Variants in CYRIB observed in about 807,000 individuals in gnomAD.
The protein encoded by CYRIB is CYFIP related Rac1 interactor B.
A neutral mutation model predicts 44.2 loss-of-function variants in CYRIB; 8 were observed. That is an observed-to-expected ratio of 0.18 (90% CI 0.11 to 0.33). The LOEUF (loss-of-function observed/expected upper bound fraction) is 0.33. Among genes scored for constraint, CYRIB ranks in the 10% least tolerant of loss-of-function variants. The pLI, the probability that CYRIB is intolerant of heterozygous loss-of-function variation, is 1.00. For missense variants in CYRIB, 185 were observed against 382.8 expected (o/e 0.48, Z 4.31); for synonymous variants, 131 against 127.2 (o/e 1.03, Z -0.20).
chr8:129,934,824 C>T (rs191567214), intron 1 of CYRIB, among the ~76,000 whole-genome samples: 12 of 152,258 alleles, frequency 7.9e-5, no homozygotes, highest in Admixed American at 2.6e-4. Context: ...CAACTGGACC[C>T]GTTTAGATTA....
intron 2 of CYRIB, among the ~76,000 whole-genome samples, chr8:129,968,418 T>A (rs1181721970): frequency 6.6e-6 from 1 of 152,234 alleles, no homozygotes; most frequent in Non-Finnish European, 1.5e-5. Context: ...ATTTCTTTTT[T>A]CTTGTGAACC....
At chr8:129,872,766 A>C (rs2057785083) in intron 3 of CYRIB, among the ~76,000 whole-genome samples, 1 of 152,090 alleles carries the variant, frequency 6.6e-6, no homozygotes, top group Non-Finnish European at 1.5e-5. Flanking sequence ...TTTAAGTTTA[A>C]AAATATTTTA....
At chr8:129,926,191 T>G (rs975441423) in intron 1 of CYRIB, among the ~76,000 whole-genome samples, 1 of 152,206 alleles carries the variant, frequency 6.6e-6, no homozygotes, top group Non-Finnish European at 1.5e-5. Flanking sequence ...AAAGCAGGAA[T>G]AAAATAAAAA....
chr8:129,917,526 G>C lies in CYRIB; in HGVS notation c.-49-14176C>G, dbSNP rs1022588191. 3.3e-5 allele frequency among the ~76,000 whole-genome samples: 5 copies of C among 152,154 alleles called. No individual in the cohort carries two copies. The East Asian group carries it at 9.7e-4, about 29-fold the overall frequency. ...ATGGCATAGGACACAAAGATCTCAG[G>C]CTGACTCAATTCTTAAAAAAAAATT... On this transcript the variant is annotated intron_variant, in intron 1 of 11. Transcript: ENST00000519824.
intron 1 of CYRIB, among the ~76,000 whole-genome samples, chr8:129,922,112 G>A (rs1164736869): frequency 6.6e-6 from 1 of 152,124 alleles, no homozygotes; most frequent in African/African-American, 2.4e-5. Context: ...AACATAATCT[G>A]GGCAGTATTT....
chr8:130,013,907 A>G (rs1388083151), intron 1 of CYRIB, among the ~76,000 whole-genome samples: 5 of 152,230 alleles, frequency 3.3e-5, no homozygotes, highest in African/African-American at 1.2e-4. Context: ...AAAGACACGT[A>G]CTGTTTCCTG....
intron 4 of CYRIB, among the ~76,000 whole-genome samples, chr8:129,868,891 T>TAAAAA (rs34829895): frequency 8.3e-6 from 1 of 120,002 alleles, no homozygotes; most frequent in African/African-American, 3.1e-5. Context: ...GTACTGCAAT[T>TAAAAA]AAAAAAAAAA....
At chr8:129,847,313 A>C (rs1192647190) in intron 10 of CYRIB, 1 of 153,750 alleles carries the variant, frequency 6.5e-6, no homozygotes, top group African/African-American at 2.4e-5. Context: ...AATACAAAAA[A>C]ATTAGCCAGG....
intron 2 of CYRIB, among the ~76,000 whole-genome samples, chr8:129,883,547 A>T (rs2061591432): frequency 6.6e-6 from 1 of 152,204 alleles, no homozygotes; most frequent in African/African-American, 2.4e-5. Flanking sequence ...CTTTATAAGA[A>T]TAAACAAAAA....
At chr8:129,901,862 GAGAAACACACATATTAATGTA>G (rs1429941307) in intron 2 of CYRIB, 1 of 152,168 alleles carries the variant, frequency 6.6e-6, no homozygotes, top group African/African-American at 2.4e-5. Flanking sequence ...TCTCTAACAT[GAGAAACACACATATTAATGTA>G]AGAAGCACAC....
At position 129,961,877 on chromosome 8, in the gene CYRIB, G is replaced by C. The variant is rs1459344258; in HGVS notation, c.-243+9066C>G. Among the ~76,000 whole-genome samples, 3 of 152,316 alleles carry C rather than the reference G, an allele frequency of 2.0e-5. No individual in the cohort carries two copies. The East Asian group carries it at 5.8e-4, about 29-fold the overall frequency. Reference sequence around the variant, plus strand: ...TGAATTCTGGCCTTGTCAGAGCCCAGGCCTATGACCTCGGGCAAGTTCCTA... The same window carrying C: ...TGAATTCTGGCCTTGTCAGAGCCCACGCCTATGACCTCGGGCAAGTTCCTA... On this transcript the variant is annotated intron_variant, in intron 2 of 14. Transcript: ENST00000401979.
At chr8:129,931,402 A>G (rs1420525430) in intron 1 of CYRIB, among the ~76,000 whole-genome samples, 1 of 152,332 alleles carries the variant, frequency 6.6e-6, no homozygotes, top group Middle Eastern at 3.4e-3. Context: ...CTTAAATTCA[A>G]TGTCCTTGAA....
At chr8:129,947,553 T>TA (rs1429843486) in intron 2 of CYRIB, among the ~76,000 whole-genome samples, 1 of 151,808 alleles carries the variant, frequency 6.6e-6, no homozygotes, top group South Asian at 2.1e-4. Flanking sequence ...AATGAATGGA[T>TA]AAAAAAAGGG....
intron 1 of CYRIB, among the ~76,000 whole-genome samples, chr8:130,011,534 T>G (rs1324743604): frequency 3.7e-5 from 5 of 135,970 alleles, no homozygotes; most frequent in African/African-American, 1.4e-4. Context: ...AAATAAAAAT[T>G]AGGCTGGGCA....
exon 11 of CYRIB, chr8:129,846,840 G>A (rs1325605150): frequency 3.1e-6 from 5 of 1,597,146 alleles, no homozygotes; most frequent in Non-Finnish European, 4.3e-6. Flanking sequence ...ACTATTAGGA[G>A]GTTGGTCCTT....
intron 2 of CYRIB, among the ~76,000 whole-genome samples, chr8:129,954,187 G>A (rs890621513): frequency 6.6e-6 from 1 of 152,068 alleles, no homozygotes; most frequent in African/African-American, 2.4e-5. Context: ...TGGAGAAAAT[G>A]TCTATAGTCC....
At chr8:129,981,506 C>T (rs745388281) in intron 1 of CYRIB, among the ~76,000 whole-genome samples, 5 of 152,058 alleles carry the variant, frequency 3.3e-5, no homozygotes, top group Non-Finnish European at 5.9e-5. Context: ...AATAGATGAG[C>T]AAGATAAAAA....
chr8:129,866,047 G>A (rs902813476), intron 4 of CYRIB, among the ~76,000 whole-genome samples: 3 of 152,120 alleles, frequency 2.0e-5, no homozygotes, highest in African/African-American at 7.2e-5. Context: ...AACCCACTCT[G>A]TCCACACTCA....
chr8:129,971,975 G>A (rs1437542831), intron 1 of CYRIB, among the ~76,000 whole-genome samples: 2 of 152,204 alleles, frequency 1.3e-5, no homozygotes, highest in African/African-American at 2.4e-5. Flanking sequence ...TTGAATGGAA[G>A]AGAAACAGGA....
Sources: allele counts gnomAD v4.1 joint callset (sites outside exome capture counted in the v4.1 genomes callset), GRCh38; gene constraint gnomAD v4.1.1; transcripts MANE v1.5; gene names NCBI Gene and HGNC (gene_info 2026-07-23, HGNC 2026-07-21).